Variants in P4HA1 observed in about 807,000 individuals in gnomAD.
P4HA1 encodes prolyl 4-hydroxylase subunit alpha-1.
Under a neutral mutation model 72.8 loss-of-function variants are expected in P4HA1, and 24 were observed. The observed-to-expected ratio is 0.33, with a 90% CI of 0.24 to 0.46. The LOEUF (loss-of-function observed/expected upper bound fraction) is 0.46. Ranked by LOEUF, P4HA1 falls within the 20% of genes least tolerant of loss-of-function variation. The pLI is 1.00. For synonymous variants in P4HA1, 201 were observed against 218.8 expected (o/e 0.92, Z 0.72); for missense variants, 446 against 640.6 (o/e 0.70, Z 3.28).
At chr10:73,019,622 C>T (rs769006273) in intron 10 of P4HA1, among the ~76,000 whole-genome samples, 161 of 148,502 alleles carry the variant, frequency 1.1e-3, no homozygotes, top group Middle Eastern at 3.5e-3. Context: ...TCAATGAATG[C>T]AGGAGGCTGA....
At position 73,039,285 on chromosome 10, in the gene P4HA1, T is replaced by TA. The variant is rs59125564; in HGVS notation, c.1148+5695dup. On this transcript the variant is annotated intron_variant, in intron 9 of 14. Coordinates refer to ENST00000394890, the MANE Select transcript of P4HA1 (RefSeq NM_001017962.3). ...GATGACAGAGCAAGACCCTGCCTCTTAAAAAAAAAAAAGCCTTTTTTGTTT... is the reference window on the plus strand; with the variant it reads ...GATGACAGAGCAAGACCCTGCCTCTTAAAAAAAAAAAAAGCCTTTTTTGTTT... Among the ~76,000 whole-genome samples the TA allele has an allele frequency of 2.6e-3, 374 of 144,478 alleles. 2 individuals carry two copies. The highest frequency in any genetic ancestry group is 6.8e-3 in the African/African-American group (271 of 39,944). 94.8% of individuals were successfully genotyped at this position (144,478 alleles called of 152,430 possible).
At chr10:73,086,933 CAAAAA>C (rs59200288) in intron 1 of P4HA1, among the ~76,000 whole-genome samples, 6 of 33,100 alleles carry the variant, frequency 1.8e-4, no homozygotes, top group African/African-American at 3.8e-4. Flanking sequence ...GAGTGCATCT[CAAAAA>C]AAAAAAAAAA....
chr10:73,051,306 A>G, intron 6 of P4HA1, 57 bp from the exon 7 acceptor site: 1 of 887,666 alleles, frequency 1.1e-6, no homozygotes, highest in Non-Finnish European at 1.8e-6. Context: ...TTCAAGCATC[A>G]GAATATAGTA....
At chr10:73,096,410 A>T (rs541645017) in intron 1 of P4HA1, among the ~76,000 whole-genome samples, 1 of 151,790 alleles carries the variant, frequency 6.6e-6, no homozygotes, top group Non-Finnish European at 1.5e-5. Context: ...GACCAGGTGC[A>T]GGGGAACTTG....
chr10:73,049,066 G>A (rs1208399439), intron 7 of P4HA1, among the ~76,000 whole-genome samples: 1 of 151,760 alleles, frequency 6.6e-6, no homozygotes, highest in Non-Finnish European at 1.5e-5. Context: ...CCCAGGGGCC[G>A]AAATGGCGCC....
rs1342592146 is a variant in P4HA1 at position 73,008,049 on chromosome 10, T to C, written c.*173A>G. On this transcript the variant is annotated 3_prime_UTR_variant, in exon 15 of 15. Transcript: ENST00000394890. ...CAATATGATGATTTCGTGTTACTTTTAAAAGAACCCACAAAGTAAGCAATT... is the reference window on the plus strand; with the variant it reads ...CAATATGATGATTTCGTGTTACTTTCAAAAGAACCCACAAAGTAAGCAATT... The C allele has an allele frequency of 2.2e-6, 1 of 455,634 alleles. No individual in the cohort carries two copies. The highest frequency in any genetic ancestry group is 4.0e-6 in the Non-Finnish European group (1 of 252,492). 28.2% of individuals were successfully genotyped at this position (455,634 alleles called of 1,614,324 possible).
chr10:73,028,171 G>A (rs1840335155), intron 10 of P4HA1, among the ~76,000 whole-genome samples: 1 of 151,804 alleles, frequency 6.6e-6, no homozygotes. Flanking sequence ...ACAGTTTTAT[G>A]AATCTCACTT....
At chr10:73,089,126 A>G (rs568935300) in intron 1 of P4HA1, among the ~76,000 whole-genome samples, 65 of 152,224 alleles carry the variant, frequency 4.3e-4, no homozygotes, top group Middle Eastern at 3.2e-3. Flanking sequence ...ACATGATATA[A>G]TCAGTGTTTC....
At chr10:73,047,194 G>T in intron 7 of P4HA1, 93 bp from the exon 8 acceptor site, 4 of 907,254 alleles carry the variant, frequency 4.4e-6, no homozygotes, top group Non-Finnish European at 6.8e-6. Flanking sequence ...AATCATGCTT[G>T]CATATACAGA....
chr10:73,015,701 C>T (rs1032479837), intron 11 of P4HA1, among the ~76,000 whole-genome samples: 1 of 152,148 alleles, frequency 6.6e-6, no homozygotes, highest in Non-Finnish European at 1.5e-5. Context: ...CTGTTATTCC[C>T]AAAGCTCTAG....
intron 1 of P4HA1, among the ~76,000 whole-genome samples, chr10:73,088,703 T>C (rs115737985): frequency 0.014 from 2,157 of 152,356 alleles, 46 homozygotes; most frequent in African/African-American, 0.045. Flanking sequence ...GGATACTTGG[T>C]GCCCAAATAA....
chr10:73,079,355 G>A (rs1336235385), intron 1 of P4HA1, among the ~76,000 whole-genome samples: 2 of 152,192 alleles, frequency 1.3e-5, no homozygotes, highest in Non-Finnish European at 2.9e-5. Context: ...GTTGAGGCTG[G>A]AAGATCACTT....
Position 73,096,818 on chromosome 10 carries a change from C to G in P4HA1, c.-85G>C, listed in dbSNP as rs28384495. 0.071 allele frequency: 10,851 copies of G among 152,838 alleles called. 636 individuals are homozygous for G. Among genetic ancestry groups the G allele is most frequent in the East Asian group, 0.3 (1,548 of 5,158 alleles). The allele number at this position is 152,838 out of a possible 1,614,324, so 9.5% of individuals were successfully genotyped here. A position where few individuals can be genotyped will look rare whatever the true frequency, so the allele number is the denominator to read the frequency against. On this transcript the variant is annotated 5_prime_UTR_variant, in exon 1 of 15. Coordinates refer to ENST00000394890, the MANE Select transcript of P4HA1 (RefSeq NM_001017962.3). ...GCTCTTCAGCCCCCAGTCGCCTCCA[C>G]TCGGAGCGGCTACTTCCTACCCTCA...
chr10:73,048,682 A>G (rs541815625), intron 7 of P4HA1, among the ~76,000 whole-genome samples: 14 of 152,312 alleles, frequency 9.2e-5, no homozygotes, highest in African/African-American at 2.9e-4. Flanking sequence ...AGTTATTAAG[A>G]GCAATAAAAA....
rs1300505278 is a variant in P4HA1 at position 73,046,915 on chromosome 10, C to T, written c.1077+10G>A. On this transcript the variant is annotated intron_variant, in intron 8 of 14. Coordinates refer to ENST00000394890, the MANE Select transcript of P4HA1 (RefSeq NM_001017962.3). ...GTAAATTGAGGAGAAAGAAAGAAAACATTATTTACCCTTGGTTTTGCTAGG... is the reference window on the plus strand; with the variant it reads ...GTAAATTGAGGAGAAAGAAAGAAAATATTATTTACCCTTGGTTTTGCTAGG... 1 of 1,568,142 alleles carries T rather than the reference C, an allele frequency of 6.4e-7. No homozygotes were observed. Among genetic ancestry groups the T allele is most frequent in the Non-Finnish European group, 8.7e-7 (1 of 1,150,392 alleles).
At chr10:73,077,108 T>C (rs1021150126) in intron 1 of P4HA1, among the ~76,000 whole-genome samples, 2 of 152,258 alleles carry the variant, frequency 1.3e-5, no homozygotes, top group African/African-American at 4.8e-5. Flanking sequence ...ATGTAGCAGA[T>C]GTAGACACTT....
chr10:73,036,731 C>T (rs942764069), intron 9 of P4HA1, among the ~76,000 whole-genome samples: 3 of 152,116 alleles, frequency 2.0e-5, no homozygotes, highest in African/African-American at 7.2e-5. Context: ...AGTTTAAGAA[C>T]TATCTTCAAG....
At chr10:73,040,029 T>C (rs1377249997) in intron 9 of P4HA1, among the ~76,000 whole-genome samples, 2 of 151,948 alleles carry the variant, frequency 1.3e-5, no homozygotes, top group Non-Finnish European at 2.9e-5. Context: ...TCTCAGCTAA[T>C]TTTTTTCTTA....
chr10:73,069,938 T>G (rs1841513420), intron 4 of P4HA1, among the ~76,000 whole-genome samples: 1 of 151,812 alleles, frequency 6.6e-6, no homozygotes, highest in East Asian at 1.9e-4. Flanking sequence ...AGCCTCCCAG[T>G]AGCTGGGATT....
Sources: gnomAD v4.1 joint callset for allele counts (sites outside exome capture counted in the v4.1 genomes callset) on GRCh38, gnomAD v4.1.1 for gene constraint, MANE v1.5 for transcripts, NCBI Gene and HGNC (gene_info 2026-07-23, HGNC 2026-07-21) for gene names.